Variants in SGCZ observed in about 807,000 individuals in gnomAD.
The protein encoded by SGCZ is zeta-sarcoglycan.
Under a neutral mutation model 41.3 loss-of-function variants are expected in SGCZ, and 40 were observed. The ratio of observed to expected loss-of-function variants is 0.97; its 90% CI spans 0.75 to 1.26. SGCZ has a LOEUF of 1.26. SGCZ is among the 50% of genes most tolerant of loss of function. The pLI is 0.00. For missense variants in SGCZ, 552 were observed against 369.8 expected (o/e 1.49, Z -4.04); for synonymous variants, 206 against 137.5 (o/e 1.50, Z -3.49).
At chr8:15,121,002 T>C (rs1235231387) in intron 1 of SGCZ, among the ~76,000 whole-genome samples, 1 of 152,228 alleles carries the variant, frequency 6.6e-6, no homozygotes, top group Non-Finnish European at 1.5e-5. Flanking sequence ...ATTTCATTTA[T>C]CTGAACACAT....
intron 1 of SGCZ, among the ~76,000 whole-genome samples, chr8:15,093,991 T>C (rs1806242677): frequency 6.6e-6 from 1 of 152,112 alleles, no homozygotes; most frequent in African/African-American, 2.4e-5. Context: ...TCATGAACAA[T>C]ACCTGCTAGT....
intron 1 of SGCZ, among the ~76,000 whole-genome samples, chr8:14,693,031 C>A (rs1808847802): frequency 6.6e-6 from 1 of 152,016 alleles, no homozygotes; most frequent in South Asian, 2.1e-4. Flanking sequence ...GCAACCGTGG[C>A]TATAATTAGT....
intron 1 of SGCZ, among the ~76,000 whole-genome samples, chr8:15,105,354 G>C (rs1247270298): frequency 2.6e-5 from 4 of 152,142 alleles, no homozygotes; most frequent in African/African-American, 9.7e-5. Flanking sequence ...ACATGAGACT[G>C]GGTAATTCAT....
intron 1 of SGCZ, among the ~76,000 whole-genome samples, chr8:14,819,902 C>T (rs866468157): frequency 3.9e-5 from 6 of 151,916 alleles, no homozygotes; most frequent in African/African-American, 9.7e-5. Context: ...AAGCTAGCTC[C>T]ACAGAAAACC....
At chr8:15,219,652 C>G (rs985510430) in intron 1 of SGCZ, among the ~76,000 whole-genome samples, 1 of 152,006 alleles carries the variant, frequency 6.6e-6, no homozygotes, top group Non-Finnish European at 1.5e-5. Flanking sequence ...GAGATATTTA[C>G]CGGAATGCTA....
intron 1 of SGCZ, among the ~76,000 whole-genome samples, chr8:14,649,770 T>C (rs1014376913): frequency 3.9e-5 from 6 of 152,068 alleles, no homozygotes; most frequent in African/African-American, 1.4e-4. Context: ...AGTGCTTCTT[T>C]TCCAGAAGGA....
chr8:14,323,349 T>C (rs889366350), intron 3 of SGCZ, among the ~76,000 whole-genome samples: 3 of 152,096 alleles, frequency 2.0e-5, no homozygotes, highest in Non-Finnish European at 4.4e-5. Context: ...TAACCTTTTT[T>C]CCCACTTTTA....
chr8:14,513,732 T>C (rs551445968), intron 2 of SGCZ, among the ~76,000 whole-genome samples: 7 of 152,056 alleles, frequency 4.6e-5, no homozygotes, highest in African/African-American at 1.4e-4. Context: ...CCTTCAGAAA[T>C]ATGTGGCTTT....
rs929529810 is a variant in SGCZ, at chr8:14,324,196, C to T, written c.243G>A (p.Met81Ile). The change falls in exon 3 of 8, where the codon ATG becomes ATA. Residue 81 changes from methionine to isoleucine, a missense_variant. Met to Ile is a conservative substitution (Grantham distance 10, BLOSUM62 1). Transcript: ENST00000382080. ...CCTTCTTGGTGACTCTCAGATTTCC[C>T]ATACCATCCTACAAGCAATGAAATA... The part of the protein sequence containing the change: ...LKVMNFTVDG[M>I]GNLRVTKKGI... 2.5e-5 allele frequency: 40 copies of T among 1,609,868 alleles called. No individual in the cohort carries two copies. The highest frequency in any genetic ancestry group is 3.1e-5 in the Non-Finnish European group (37 of 1,176,824).
At chr8:14,200,845 G>T (rs866050511) in intron 4 of SGCZ, among the ~76,000 whole-genome samples, 4 of 152,020 alleles carry the variant, frequency 2.6e-5, no homozygotes. Flanking sequence ...ACTGTTAAAG[G>T]AATGAAGATA....
Position 15,038,506 on chromosome 8 carries a change from G to GA in SGCZ, c.39+199078dup, listed in dbSNP as rs145027907. On this transcript the variant is annotated intron_variant, in intron 1 of 7. Coordinates refer to ENST00000382080, the MANE Select transcript of SGCZ (RefSeq NM_139167.4). ...AAGACCTTGAACTATAAAACTACTAGAAAAAAAAAACAAGGGAAAATTTCT... is the reference window on the plus strand; with the variant it reads ...AAGACCTTGAACTATAAAACTACTAGAAAAAAAAAAACAAGGGAAAATTTCT... Among the ~76,000 whole-genome samples the GA allele has an allele frequency of 2.2e-3, 324 of 146,174 alleles. 2 individuals carry two copies. Among genetic ancestry groups the GA allele is most frequent in the African/African-American group, 5.3e-3 (210 of 39,818 alleles).
intron 1 of SGCZ, among the ~76,000 whole-genome samples, chr8:14,632,334 T>G (rs1323474511): frequency 6.6e-6 from 1 of 152,074 alleles, no homozygotes; most frequent in Non-Finnish European, 1.5e-5. Context: ...GTGCTTACAT[T>G]ATAATCTAGT....
At chr8:14,096,154 G>T (rs13280472) in intron 7 of SGCZ, among the ~76,000 whole-genome samples, 61,952 of 151,878 alleles carry the variant, frequency 0.41, 12,984 homozygotes, top group Non-Finnish European at 0.46. Flanking sequence ...AATGGGGTGG[G>T]AAGAGAGGGC....
At chr8:14,150,896 A>C (rs1803685982) in intron 5 of SGCZ, among the ~76,000 whole-genome samples, 2 of 152,204 alleles carry the variant, frequency 1.3e-5, no homozygotes, top group Non-Finnish European at 2.9e-5. Context: ...ACTGGAGATC[A>C]CTGTGTTAAG....
At chr8:14,475,915 C>A (rs1332590718) in intron 2 of SGCZ, among the ~76,000 whole-genome samples, 2 of 151,912 alleles carry the variant, frequency 1.3e-5, no homozygotes, top group East Asian at 3.9e-4. Flanking sequence ...AGCTCACTGT[C>A]ACCTCAAACT....
chr8:14,761,562 C>T (rs1195982418), intron 1 of SGCZ, among the ~76,000 whole-genome samples: 1 of 146,378 alleles, frequency 6.8e-6, no homozygotes, highest in African/African-American at 2.5e-5. Context: ...GAGGGAGTCT[C>T]TCCCTGTCGC....
intron 4 of SGCZ, among the ~76,000 whole-genome samples, chr8:14,212,978 A>G (rs901680693): frequency 1.1e-4 from 16 of 152,150 alleles, no homozygotes; most frequent in African/African-American, 3.9e-4. Context: ...CAGGAGATGT[A>G]ATCAATGAGC....
chr8:14,499,830 A>G (rs1269780400), intron 2 of SGCZ, among the ~76,000 whole-genome samples: 3 of 152,010 alleles, frequency 2.0e-5, no homozygotes, highest in Admixed American at 2.0e-4. Flanking sequence ...ACATCACTAA[A>G]ATTGTATCCT....
chr8:14,784,955 TTATA>T (rs3069678), intron 1 of SGCZ, among the ~76,000 whole-genome samples: 2 of 131,976 alleles, frequency 1.5e-5, no homozygotes, highest in South Asian at 2.3e-4. Context: ...ATTTTTTATA[TTATA>T]TATATATAAT....
Sources: allele counts gnomAD v4.1 joint callset (sites outside exome capture counted in the v4.1 genomes callset), GRCh38; gene constraint gnomAD v4.1.1; transcripts MANE v1.5; gene names NCBI Gene and HGNC (gene_info 2026-07-23, HGNC 2026-07-21).